VWC2: variants seen among roughly 807,000 people sequenced by gnomAD.
VWC2 encodes the protein brorin.
VWC2 carries 14 observed loss-of-function variants against 29.8 expected under a neutral mutation model. The observed-to-expected ratio is 0.47, with a 90% CI of 0.31 to 0.74. The LOEUF is 0.74. Ranked by LOEUF, VWC2 falls within the 30% of genes least tolerant of loss-of-function variation. VWC2 has a pLI of 0.05. For missense variants in VWC2, 457 were observed against 459.8 expected (o/e 0.99, Z 0.05); for synonymous variants, 213 against 199.0 (o/e 1.07, Z -0.59).
At chr7:49,888,386 A>T (rs946936984) in intron 3 of VWC2, among the ~76,000 whole-genome samples, 2 of 152,186 alleles carry the variant, frequency 1.3e-5, no homozygotes, top group Non-Finnish European at 2.9e-5. Context: ...CAGATTATCA[A>T]TTTAGGTATG....
intron 2 of VWC2, among the ~76,000 whole-genome samples, chr7:49,794,867 A>G (rs568045601): frequency 6.6e-6 from 1 of 152,128 alleles, no homozygotes; most frequent in Admixed American, 6.5e-5. Context: ...TTCCCACCTG[A>G]CTTATCATAT....
intron 2 of VWC2, among the ~76,000 whole-genome samples, chr7:49,794,568 A>G (rs866202206): frequency 2.6e-5 from 4 of 152,196 alleles, no homozygotes; most frequent in African/African-American, 9.6e-5. Context: ...GAAATATTGC[A>G]TGTGGTTTGA....
At chr7:49,846,280 T>A (rs1285911704) in intron 3 of VWC2, among the ~76,000 whole-genome samples, 1 of 152,076 alleles carries the variant, frequency 6.6e-6, no homozygotes, top group Non-Finnish European at 1.5e-5. Flanking sequence ...GTGGTAAATA[T>A]GGAAAGAAAT....
chr7:49,858,153 C>T (rs968174060), intron 3 of VWC2, among the ~76,000 whole-genome samples: 5 of 152,316 alleles, frequency 3.3e-5, no homozygotes, highest in East Asian at 3.9e-4. Flanking sequence ...TCCTCTCCAG[C>T]ACCTGTTGCT....
At chr7:49,826,228 G>A (rs1455540290) in intron 3 of VWC2, among the ~76,000 whole-genome samples, 1 of 152,060 alleles carries the variant, frequency 6.6e-6, no homozygotes, top group Middle Eastern at 3.2e-3. Context: ...CAGTTTTTCA[G>A]TGACGCCATC....
rs1793595730 is a variant in VWC2 at position 49,914,024 on chromosome 7, T to C, written c.*1839T>C. 6.6e-6 allele frequency: 1 copy of C among 152,222 alleles called. No individual in the cohort carries two copies. Among genetic ancestry groups the C allele is most frequent in the African/African-American group, 2.4e-5 (1 of 41,472 alleles). The allele number at this position is 152,222 out of a possible 1,614,324, so 9.4% of individuals were successfully genotyped here. On this transcript the variant is annotated 3_prime_UTR_variant, in exon 4 of 4. Coordinates refer to ENST00000340652, the MANE Select transcript of VWC2 (RefSeq NM_198570.5). Reference sequence around the variant, plus strand: ...ATTATTAGCTAATTGTTCTCAGGTGTAATCAGCTTTCCAAAATTTAACCTT... The same window carrying C: ...ATTATTAGCTAATTGTTCTCAGGTGCAATCAGCTTTCCAAAATTTAACCTT...
intron 2 of VWC2, among the ~76,000 whole-genome samples, chr7:49,797,026 T>C (rs1788607734): frequency 6.6e-6 from 1 of 152,238 alleles, no homozygotes; most frequent in African/African-American, 2.4e-5. Context: ...CAGAAATAGA[T>C]TCAATATTTA....
At position 49,917,724 on chromosome 7, in the gene VWC2, A is replaced by C. The variant is rs542982365; in HGVS notation, c.*5539A>C. On this transcript the variant is annotated 3_prime_UTR_variant, in exon 4 of 4. Coordinates refer to ENST00000340652, the MANE Select transcript of VWC2 (RefSeq NM_198570.5). ...ATATTAAGACCAACATATACATTAA[A>C]GTGTATTTAGATGATTAATATTTAA... 2 of 152,272 alleles carry C rather than the reference A, an allele frequency of 1.3e-5. No individual in the cohort carries two copies. Among genetic ancestry groups the C allele is most frequent in the Admixed American group, 1.3e-4 (2 of 15,300 alleles). The allele number at this position is 152,272 out of a possible 1,614,324, so 9.4% of individuals were successfully genotyped here.
At chr7:49,826,910 T>A (rs539522799) in intron 3 of VWC2, among the ~76,000 whole-genome samples, 17 of 152,262 alleles carry the variant, frequency 1.1e-4, no homozygotes, top group African/African-American at 4.1e-4. Context: ...TTATGATAAA[T>A]TTATGATTAT....
intron 2 of VWC2, among the ~76,000 whole-genome samples, chr7:49,797,161 C>A (rs1307744108): frequency 6.6e-6 from 1 of 152,190 alleles, no homozygotes; most frequent in East Asian, 1.9e-4. Flanking sequence ...AAAGCCTCTG[C>A]TATGCATGTA....
intron 3 of VWC2, among the ~76,000 whole-genome samples, chr7:49,818,111 T>C (rs2128708774): frequency 6.6e-6 from 1 of 152,258 alleles, no homozygotes; most frequent in African/African-American, 2.4e-5. Flanking sequence ...TAGGTAATCT[T>C]AGGAGGGAAT....
intron 3 of VWC2, among the ~76,000 whole-genome samples, chr7:49,824,994 T>C (rs1789360706): frequency 1.3e-5 from 2 of 152,150 alleles, no homozygotes; most frequent in Admixed American, 6.5e-5. Flanking sequence ...TATGAAAACT[T>C]CTTATTTTAT....
chr7:49,852,767 G>A (rs1790233757), intron 3 of VWC2, among the ~76,000 whole-genome samples: 1 of 152,194 alleles, frequency 6.6e-6, no homozygotes, highest in East Asian at 1.9e-4. Flanking sequence ...TCCAAACCCT[G>A]GTTCCTCCCT....
At chr7:49,893,684 T>C (rs187555567) in intron 3 of VWC2, among the ~76,000 whole-genome samples, 33 of 151,406 alleles carry the variant, frequency 2.2e-4, no homozygotes, top group Non-Finnish European at 4.4e-5. Flanking sequence ...GAAACTAAAA[T>C]ATGTCAGGTA....
At chr7:49,798,771 C>T (rs1020562018) in intron 2 of VWC2, among the ~76,000 whole-genome samples, 6 of 152,300 alleles carry the variant, frequency 3.9e-5, no homozygotes, top group South Asian at 4.1e-4. Context: ...GCTGAGTTCA[C>T]GTGGGCATTG....
intron 3 of VWC2, among the ~76,000 whole-genome samples, chr7:49,845,097 A>G (rs1175214303): frequency 6.6e-6 from 1 of 152,096 alleles, no homozygotes; most frequent in African/African-American, 2.4e-5. Flanking sequence ...ACATGAACAC[A>G]TGGGCGGGAA....
chr7:49,804,164 T>G (rs1269243071), intron 3 of VWC2, among the ~76,000 whole-genome samples: 2 of 151,144 alleles, frequency 1.3e-5, no homozygotes, highest in Non-Finnish European at 3.0e-5. Flanking sequence ...TGGAGTGTGT[T>G]TTTTTTTTAA....
At chr7:49,858,816 A>G (rs1051750452) in intron 3 of VWC2, among the ~76,000 whole-genome samples, 4 of 152,206 alleles carry the variant, frequency 2.6e-5, no homozygotes, top group Non-Finnish European at 5.9e-5. Context: ...CTTATTTTTT[A>G]TGTTTATAAA....
intron 3 of VWC2, among the ~76,000 whole-genome samples, chr7:49,843,827 T>C (rs561499943): frequency 1.3e-5 from 2 of 152,340 alleles, no homozygotes; most frequent in Non-Finnish European, 2.9e-5. Context: ...CAGTTCATCT[T>C]AGAAAACGCA....
Sources: allele counts gnomAD v4.1 joint callset (sites outside exome capture counted in the v4.1 genomes callset), GRCh38; gene constraint gnomAD v4.1.1; transcripts MANE v1.5; gene names NCBI Gene and HGNC (gene_info 2026-07-23, HGNC 2026-07-21).